CLEC16A: variants seen among roughly 807,000 people sequenced by gnomAD.
CLEC16A encodes the protein C-type lectin domain containing 16A.
Under a neutral mutation model 109.5 loss-of-function variants are expected in CLEC16A, and 51 were observed. The observed-to-expected ratio is 0.47, with a 90% CI of 0.37 to 0.59. The LOEUF (loss-of-function observed/expected upper bound fraction) is 0.59. Ranked by LOEUF, CLEC16A falls within the 20% of genes least tolerant of loss-of-function variation. CLEC16A has a pLI of 0.00. For missense variants in CLEC16A, 1,339 were observed against 1,394.0 expected (o/e 0.96, Z 0.63); for synonymous variants, 673 against 564.2 (o/e 1.19, Z -2.73).
intron 22 of CLEC16A, among the ~76,000 whole-genome samples, chr16:11,161,927 A>G (rs867365380): frequency 2.6e-5 from 4 of 152,164 alleles, no homozygotes; most frequent in African/African-American, 9.7e-5. Context: ...CTTGAATCAC[A>G]TGGTTAAGTG....
intron 19 of CLEC16A, among the ~76,000 whole-genome samples, chr16:11,119,347 C>G (rs931096917): frequency 6.6e-6 from 1 of 152,166 alleles, no homozygotes; most frequent in Non-Finnish European, 1.5e-5. Flanking sequence ...TTGGTTATTA[C>G]AGCCTTGTAA....
At chr16:10,949,436 C>T (rs968328306) in intron 1 of CLEC16A, among the ~76,000 whole-genome samples, 4 of 151,860 alleles carry the variant, frequency 2.6e-5, no homozygotes, top group African/African-American at 4.8e-5. Context: ...TACCAGGCAG[C>T]GGGGTGTCAG....
chr16:11,163,258 A>G (rs1209025174), intron 22 of CLEC16A, among the ~76,000 whole-genome samples: 1 of 152,158 alleles, frequency 6.6e-6, no homozygotes, highest in African/African-American at 2.4e-5. Flanking sequence ...TGATTTGGGG[A>G]AAAACCCCTT....
intron 12 of CLEC16A, among the ~76,000 whole-genome samples, chr16:11,021,468 G>T (rs1229825456): frequency 6.6e-6 from 1 of 152,188 alleles, no homozygotes; most frequent in East Asian, 1.9e-4. Context: ...AACCAGTAGT[G>T]GGATGTTGCT....
chr16:11,105,438 T>C (rs1353247960), intron 19 of CLEC16A, among the ~76,000 whole-genome samples: 1 of 152,190 alleles, frequency 6.6e-6, no homozygotes, highest in East Asian at 1.9e-4. Flanking sequence ...TCTGGACACA[T>C]GGGAACAAGG....
intron 14 of CLEC16A, chr16:11,040,509 C>CTTTTATTT (rs2047268238): frequency 1.4e-5 from 1 of 72,752 alleles, no homozygotes; most frequent in Non-Finnish European, 2.5e-5. Flanking sequence ...AGCGCTTTTT[C>CTTTTATTT]TTTTCTTTTT....
At chr16:11,061,101 A>G (rs934100727) in intron 19 of CLEC16A, 79 bp downstream of exon 19, 1 of 1,439,252 alleles carries the variant, frequency 6.9e-7, no homozygotes, top group African/African-American at 1.4e-5. Flanking sequence ...TTCACACGCC[A>G]CTGGGAGGGT....
chr16:11,081,444 C>T (rs984561792), intron 19 of CLEC16A, among the ~76,000 whole-genome samples: 2 of 152,196 alleles, frequency 1.3e-5, no homozygotes, highest in African/African-American at 4.8e-5. Flanking sequence ...CACCCATGTC[C>T]TTGTTGCTGT....
chr16:10,979,450 A>G (rs1232042916), intron 9 of CLEC16A, 68 bp downstream of exon 9: 1 of 1,418,640 alleles, frequency 7.0e-7, no homozygotes, highest in African/African-American at 1.4e-5. Flanking sequence ...TGCCTTGAAG[A>G]AAATCCCCAG....
chr16:11,091,366 G>A (rs774320430), intron 19 of CLEC16A, among the ~76,000 whole-genome samples: 7 of 152,228 alleles, frequency 4.6e-5, no homozygotes, highest in Admixed American at 6.5e-5. Context: ...GGATGCCCCC[G>A]GGTCTGGCCC....
chr16:11,116,107 G>A (rs942526343), intron 19 of CLEC16A, among the ~76,000 whole-genome samples: 1 of 152,014 alleles, frequency 6.6e-6, no homozygotes, highest in Non-Finnish European at 1.5e-5. Context: ...AAGCACAACT[G>A]GGCCAGATGT....
intron 17 of CLEC16A, among the ~76,000 whole-genome samples, chr16:11,049,197 G>A (rs959820981): frequency 6.6e-6 from 1 of 151,970 alleles, no homozygotes; most frequent in Non-Finnish European, 1.5e-5. Flanking sequence ...TAGTAGAGAC[G>A]GGGTTTCACC....
rs986678550 is a variant in CLEC16A at position 11,120,657 on chromosome 16, G to T, written c.2159G>T (p.Gly720Val). ...LIACTVITKD[G>V]GMVQRFLAVD... Reference sequence around the variant, plus strand: ...GCATGTACAGTGATCACCAAGGATGGCGGCATGGTCCAGCGATTCCTGGCT... The same window carrying T: ...GCATGTACAGTGATCACCAAGGATGTCGGCATGGTCCAGCGATTCCTGGCT... Residue 720 changes from glycine (G) to valine (V), a missense_variant, in exon 20 of 24, where the codon GGC becomes GTC. By Grantham distance (109) the Gly-to-Val change is moderately radical. Transcript: ENST00000409790. 6.2e-7 allele frequency: 1 copy of T among 1,613,194 alleles called. No individual in the cohort carries two copies. Among genetic ancestry groups the T allele is most frequent in the Non-Finnish European group, 8.5e-7 (1 of 1,179,558 alleles).
chr16:10,979,277 G>C, intron 8 of CLEC16A, 52 bp from the exon 9 acceptor site: 1 of 1,545,584 alleles, frequency 6.5e-7, no homozygotes, highest in South Asian at 1.2e-5. Flanking sequence ...ATTTTGTGCT[G>C]CTCGCTTGTG....
intron 9 of CLEC16A, among the ~76,000 whole-genome samples, chr16:10,981,435 T>C (rs2043316005): frequency 6.6e-6 from 1 of 152,212 alleles, no homozygotes; most frequent in South Asian, 2.1e-4. Flanking sequence ...GTTCCCAGTA[T>C]TTTTTTAAAA....
rs574052283 is a variant in CLEC16A at position 11,022,904 on chromosome 16, T to A, written c.1437-1917T>A. ...ACAGAGCGAGATTCCATCTCAAAAA[T>A]ATATATATATATATATATATGTATA... On this transcript the variant is annotated intron_variant, in intron 12 of 23. Coordinates refer to ENST00000409790, the MANE Select transcript of CLEC16A (RefSeq NM_015226.3). Among the ~76,000 whole-genome samples the A allele has an allele frequency of 9.4e-3, 386 of 41,120 alleles. 1 individual carries two copies. Among genetic ancestry groups the A allele is most frequent in the Non-Finnish European group, 0.011 (239 of 22,438 alleles). The allele number at this position is 41,120 out of a possible 152,430, so 27.0% of individuals were successfully genotyped here. A position where few individuals can be genotyped will look rare whatever the true frequency, so the allele number is the denominator to read the frequency against.
At chr16:11,048,934 T>C (rs961835403) in intron 17 of CLEC16A, among the ~76,000 whole-genome samples, 9 of 152,134 alleles carry the variant, frequency 5.9e-5, no homozygotes, top group African/African-American at 1.9e-4. Context: ...AAGCTTGAGC[T>C]CTTAAACCCC....
intron 1 of CLEC16A, among the ~76,000 whole-genome samples, chr16:10,947,612 G>T (rs1225142409): frequency 1.3e-5 from 2 of 152,222 alleles, no homozygotes; most frequent in South Asian, 2.1e-4. Flanking sequence ...AAGGCTGGAA[G>T]TAGGAAGGGG....
intron 22 of CLEC16A, among the ~76,000 whole-genome samples, chr16:11,144,679 A>G (rs1032014289): frequency 6.6e-6 from 1 of 152,220 alleles, no homozygotes; most frequent in Non-Finnish European, 1.5e-5. Context: ...AGCTTTTAGA[A>G]AAGCCCAACA....
Sources: gnomAD v4.1 joint callset for allele counts (sites outside exome capture counted in the v4.1 genomes callset) on GRCh38, gnomAD v4.1.1 for gene constraint, MANE v1.5 for transcripts, NCBI Gene and HGNC (gene_info 2026-07-23, HGNC 2026-07-21) for gene names.